The following BBS4 variants were observed in gnomAD, a reference collection of about 807,000 sequenced individuals.
The protein encoded by BBS4 is Bardet-Biedl syndrome 4.
Under a neutral mutation model 71.4 loss-of-function variants are expected in BBS4, and 58 were observed. The observed-to-expected ratio is 0.81, with a 90% CI of 0.66 to 1.01. BBS4 has a LOEUF of 1.01. Ranked by LOEUF, BBS4 falls within the 50% of genes least tolerant of loss-of-function variation. The probability of loss-of-function intolerance (pLI) is 0.00; values close to 1 mark genes in which losing one functional copy is unlikely to be tolerated. For missense variants in BBS4, 660 were observed against 607.9 expected (o/e 1.09, Z -0.90); for synonymous variants, 228 against 216.8 (o/e 1.05, Z -0.46).
chr15:72,731,071 T>C, intron 10 of BBS4, among the ~76,000 whole-genome samples: 1 of 91,840 alleles, frequency 1.1e-5, no homozygotes, highest in African/African-American at 3.7e-5. Context: ...TTATCTTTTT[T>C]TTTTTTTTTT....
Position 72,729,656 on chromosome 15 carries a change from C to T in BBS4, c.683C>T (p.Ala228Val), listed in dbSNP as rs2151043996. Residue 228 changes from alanine to valine, a missense_variant, in exon 10 of 16, where the codon GCA becomes GTA. Ala to Val is a moderately conservative substitution (Grantham distance 64, BLOSUM62 0). Transcript: ENST00000268057. ...AAGGCATTTGAACATCTTGGCAATG[C>T]ACTGACTTATGACCCTACCAACTAC... ...YQKAFEHLGN[A>V]LTYDPTNYKA... is the part of the protein sequence containing the mutation. 6.2e-7 allele frequency: 1 copy of T among 1,614,088 alleles called. No individual in the cohort carries two copies. The highest frequency in any genetic ancestry group is 1.1e-5 in the South Asian group (1 of 91,080).
At position 72,709,683 on chromosome 15, in the gene BBS4, C is replaced by A; in HGVS notation, c.77-17C>A. 6.3e-7 allele frequency: 1 copy of A among 1,586,582 alleles called. No individual in the cohort carries two copies. The highest frequency in any genetic ancestry group is 1.1e-5 in the South Asian group (1 of 90,466). On this transcript the variant is annotated splice_polypyrimidine_tract_variant and intron_variant, in intron 2 of 15. Coordinates refer to ENST00000268057, the MANE Select transcript of BBS4 (RefSeq NM_033028.5). ...CTAATGACTGTGTTGTTTGTTTTGT[C>A]AAAATATGCTGCCTAGCTCCAGAGT... is the stretch of plus-strand genomic sequence containing the variant.
chr15:72,697,753 C>T (rs913912460), intron 2 of BBS4, among the ~76,000 whole-genome samples: 5 of 152,182 alleles, frequency 3.3e-5, no homozygotes, highest in African/African-American at 1.2e-4. Context: ...CTCTTTCCTC[C>T]TCAGCTTGAG....
intron 2 of BBS4, among the ~76,000 whole-genome samples, chr15:72,706,261 C>T (rs1454948766): frequency 1.3e-5 from 2 of 151,986 alleles, no homozygotes; most frequent in African/African-American, 4.8e-5. Flanking sequence ...CTCAGCCTCC[C>T]GAGTAGCTGG....
intron 9 of BBS4, 47 bp downstream of exon 9, chr15:72,728,041 T>C: frequency 6.8e-7 from 1 of 1,476,624 alleles, no homozygotes; most frequent in Non-Finnish European, 9.5e-7. Flanking sequence ...TAGAAATGGT[T>C]TTGGGTTTGT....
intron 1 of BBS4, 129 bp from the exon 2 acceptor site, chr15:72,695,048 C>T: frequency 1.5e-6 from 1 of 672,952 alleles, no homozygotes; most frequent in South Asian, 1.9e-5. Context: ...GTAACTCTAT[C>T]ACAATATGGA....
chr15:72,721,707 A>G (rs192092115), intron 6 of BBS4, among the ~76,000 whole-genome samples: 1 of 152,308 alleles, frequency 6.6e-6, no homozygotes, highest in Non-Finnish European at 1.5e-5. Flanking sequence ...AAAACATTAA[A>G]TCAGTTGTTA....
chr15:72,688,046 C>CAAAAAAAAAAA (rs199931617), intron 1 of BBS4, among the ~76,000 whole-genome samples: 1 of 84,890 alleles, frequency 1.2e-5, no homozygotes, highest in Admixed American at 1.3e-4. Context: ...GACTCCGTCT[C>CAAAAAAAAAAA]AAAAAAAAAA....
intron 14 of BBS4, among the ~76,000 whole-genome samples, chr15:72,736,386 C>T (rs191108435): frequency 0.026 from 3,923 of 152,016 alleles, 58 homozygotes; most frequent in Non-Finnish European, 0.036. Context: ...GGACTACAGG[C>T]GCGTGCCACC....
intron 8 of BBS4, among the ~76,000 whole-genome samples, chr15:72,725,758 C>T (rs896451620): frequency 2.9e-5 from 2 of 68,844 alleles, no homozygotes; most frequent in South Asian, 1.0e-3. Context: ...TTTCCCCCTT[C>T]CCCCTTCCCC....
chr15:72,731,734 A>G lies in BBS4; in HGVS notation c.1036+8A>G. 4 of 1,614,102 alleles carry G rather than the reference A, an allele frequency of 2.5e-6. No individual in the cohort carries two copies. The highest frequency in any genetic ancestry group is 1.6e-4 in the Middle Eastern group (1 of 6,062). On this transcript the variant is annotated splice_region_variant and intron_variant, in intron 12 of 15. Transcript: ENST00000268057. ...TCTACATGCTCTTGGCAGGTAAGAAACATTTATGTGGAAAACTCTCTCTGC... is the reference window on the plus strand; with the variant it reads ...TCTACATGCTCTTGGCAGGTAAGAAGCATTTATGTGGAAAACTCTCTCTGC...
intron 1 of BBS4, chr15:72,686,778 T>A (rs995857673): frequency 1.9e-5 from 7 of 360,496 alleles, no homozygotes; most frequent in Non-Finnish European, 2.7e-5. Context: ...AGGAACCCGA[T>A]GAATTCAGGA....
chr15:72,735,086 C>T (rs1051067484), intron 12 of BBS4, 27 bp from the exon 13 acceptor site: 8 of 1,577,950 alleles, frequency 5.1e-6, no homozygotes, highest in Non-Finnish European at 5.2e-6. Flanking sequence ...GCTGAGCTCT[C>T]CAGCTGCAGT....
intron 12 of BBS4, among the ~76,000 whole-genome samples, chr15:72,733,504 C>T (rs2065867054): frequency 6.6e-6 from 1 of 152,058 alleles, no homozygotes; most frequent in African/African-American, 2.4e-5. Flanking sequence ...CATCATTTAG[C>T]TCTTATAGTG....
At chr15:72,688,666 G>A (rs991096481) in intron 1 of BBS4, among the ~76,000 whole-genome samples, 6 of 152,066 alleles carry the variant, frequency 3.9e-5, no homozygotes, top group Admixed American at 3.3e-4. Flanking sequence ...GTCTCCCAAA[G>A]TGTTGGGATT....
intron 4 of BBS4, among the ~76,000 whole-genome samples, chr15:72,714,658 A>G (rs909261055): frequency 4.6e-5 from 7 of 152,212 alleles, no homozygotes; most frequent in Non-Finnish European, 7.3e-5. Flanking sequence ...TCAGATTAAC[A>G]TATAATTTTC....
Position 72,737,734 on chromosome 15 carries a change from G to T in BBS4, c.*147G>T. On this transcript the variant is annotated 3_prime_UTR_variant, in exon 16 of 16. Transcript: ENST00000268057. ...CGAGGAGCCAGCAGTTGAGCCTAAG[G>T]TCCTTCTACCTACCTGGTATTGGCA... The T allele has an allele frequency of 1.4e-6, 1 of 712,712 alleles. No individual in the cohort carries two copies. The highest frequency in any genetic ancestry group is 2.5e-6 in the Non-Finnish European group (1 of 406,064). 44.1% of individuals were successfully genotyped at this position (712,712 alleles called of 1,614,324 possible).
chr15:72,718,987 G>A (rs1371485223), intron 6 of BBS4, among the ~76,000 whole-genome samples: 1 of 152,182 alleles, frequency 6.6e-6, no homozygotes, highest in African/African-American at 2.4e-5. Context: ...CATAAAGGTG[G>A]TAATTGAAAC....
At chr15:72,708,201 C>T (rs903770695) in intron 2 of BBS4, among the ~76,000 whole-genome samples, 7 of 152,064 alleles carry the variant, frequency 4.6e-5, no homozygotes, top group African/African-American at 1.4e-4. Flanking sequence ...CTTCTGACCT[C>T]GTGATCTGCC....
Sources: allele counts gnomAD v4.1 joint callset (sites outside exome capture counted in the v4.1 genomes callset), GRCh38; gene constraint gnomAD v4.1.1; transcripts MANE v1.5; gene names NCBI Gene and HGNC (gene_info 2026-07-23, HGNC 2026-07-21).